COXFA4: variants seen among roughly 807,000 people sequenced by gnomAD.
The protein encoded by COXFA4 is cytochrome c oxidase subunit FA4.
At chr7:10,934,270 G>C in the COXFA4 span, among the ~76,000 whole-genome samples, 1 of 151,026 alleles carries the variant, frequency 6.6e-6, no homozygotes, top group East Asian at 1.9e-4. Context: ...CTTCAACTCT[G>C]GTAATGGCTT....
At chr7:10,934,385 A>AAAAT in the COXFA4 span, among the ~76,000 whole-genome samples, 187 of 151,656 alleles carry the variant, frequency 1.2e-3, no homozygotes, top group African/African-American at 4.3e-3. Context: ...TTAAAAAAAA[A>AAAAT]AAAAAAAAAC....
the COXFA4 span, chr7:10,938,947 G>T: frequency 7.4e-7 from 1 of 1,343,764 alleles, no homozygotes; most frequent in Non-Finnish European, 1.1e-6. Flanking sequence ...TAAAACACTG[G>T]CCAACGAGAG....
the COXFA4 span, chr7:10,939,159 T>C: frequency 2.7e-6 from 1 of 376,814 alleles, no homozygotes; most frequent in East Asian, 5.2e-5. Flanking sequence ...AAATTATAGG[T>C]ACATTTTTAA....
At chr7:10,939,692 C>A in the COXFA4 span, 2 of 420,536 alleles carry the variant, frequency 4.8e-6, no homozygotes, top group South Asian at 2.2e-5. Context: ...ACCCACACAG[C>A]GCACATCTAT....
chr7:10,933,649 C>T, the COXFA4 span: 12 of 1,610,456 alleles, frequency 7.5e-6, 1 homozygote, highest in Middle Eastern at 1.7e-4. Context: ...GAAATCTGGA[C>T]GTTCCTTCTT....
the COXFA4 span, chr7:10,938,705 G>C: frequency 1.2e-6 from 1 of 830,942 alleles, no homozygotes; most frequent in Non-Finnish European, 2.1e-6. Context: ...GACTGTAAAT[G>C]TAACATTCTT....
the COXFA4 span, among the ~76,000 whole-genome samples, chr7:10,935,314 G>C: frequency 6.6e-6 from 1 of 152,142 alleles, no homozygotes; most frequent in Non-Finnish European, 1.5e-5. Flanking sequence ...GCTACTTTTA[G>C]AGTCTCTGAA....
the COXFA4 span, among the ~76,000 whole-genome samples, chr7:10,933,953 T>C: frequency 5.9e-5 from 9 of 152,282 alleles, no homozygotes; most frequent in Admixed American, 5.2e-4. Context: ...TTGGAACCTA[T>C]AAGGAAAATT....
At chr7:10,939,591 T>C in the COXFA4 span, 1 of 187,892 alleles carries the variant, frequency 5.3e-6, no homozygotes, top group Non-Finnish European at 1.1e-5. Context: ...CCCCTCTTAT[T>C]TACCAAAAGG....
At chr7:10,937,734 C>A in the COXFA4 span, 1 of 244,594 alleles carries the variant, frequency 4.1e-6, no homozygotes, top group Non-Finnish European at 8.0e-6. Context: ...TCTCATGCCC[C>A]ACAAAAGACC....
chr7:10,939,157 G>A, the COXFA4 span: 3 of 376,012 alleles, frequency 8.0e-6, no homozygotes, highest in African/African-American at 4.1e-5. Context: ...GCAAATTATA[G>A]GTACATTTTT....
At chr7:10,938,613 C>A in the COXFA4 span, 1 of 529,510 alleles carries the variant, frequency 1.9e-6, no homozygotes, top group Non-Finnish European at 3.4e-6. Context: ...AAAGAGAAAA[C>A]GAGACTCAGA....
At chr7:10,938,259 G>T in the COXFA4 span, 1 of 928,822 alleles carries the variant, frequency 1.1e-6, no homozygotes, top group Non-Finnish European at 1.7e-6. Flanking sequence ...GATGAGGTAT[G>T]GTGTTATTTC....
chr7:10,940,054 G>A, the COXFA4 span: 4 of 1,613,786 alleles, frequency 2.5e-6, no homozygotes, highest in Admixed American at 3.3e-5. Context: ...ATCTGGCGGA[G>A]CATGTTTGCG....
the COXFA4 span, chr7:10,932,484 G>C: frequency 6.6e-6 from 1 of 152,144 alleles, no homozygotes; most frequent in Non-Finnish European, 1.5e-5. Context: ...CAAATACTTA[G>C]TTCAGTTCCT....
the COXFA4 span, chr7:10,939,964 C>G: frequency 6.2e-7 from 1 of 1,607,148 alleles, no homozygotes; most frequent in Non-Finnish European, 8.5e-7. Context: ...AGAGGCGCAC[C>G]CCGACGCAAG....
chr7:10,939,676 T>A, the COXFA4 span: 1 of 390,458 alleles, frequency 2.6e-6, no homozygotes, highest in African/African-American at 2.1e-5. Context: ...CCTATGCTAG[T>A]CTCTGACCCA....
chr7:10,935,907 C>G, the COXFA4 span, among the ~76,000 whole-genome samples: 2 of 152,144 alleles, frequency 1.3e-5, no homozygotes, highest in Admixed American at 6.6e-5. Context: ...CATTCCAATT[C>G]TAAGGTGAAT....
At chr7:10,935,359 T>C in the COXFA4 span, among the ~76,000 whole-genome samples, 1 of 152,346 alleles carries the variant, frequency 6.6e-6, no homozygotes, top group South Asian at 2.1e-4. Context: ...ATTCTGATCT[T>C]AGCTTTGGGG....
Sources: gnomAD v4.1 joint callset for allele counts (sites outside exome capture counted in the v4.1 genomes callset) on GRCh38, gnomAD v4.1.1 for gene constraint, MANE v1.5 for transcripts, NCBI Gene and HGNC (gene_info 2026-07-23, HGNC 2026-07-21) for gene names.